SPAG17: variants seen among roughly 807,000 people sequenced by gnomAD.
SPAG17 encodes sperm-associated antigen 17.
SPAG17 carries 169 observed loss-of-function variants against 273.6 expected under a neutral mutation model. That is an observed-to-expected ratio of 0.62 (90% CI 0.55 to 0.70). The LOEUF is 0.70. SPAG17 is among the 30% of genes least tolerant of loss of function. The pLI is 0.00. For synonymous variants in SPAG17, 825 were observed against 873.2 expected, an observed-to-expected ratio of 0.94 and a Z score of 0.97; for missense variants, 2,557 against 2,627.8, an observed-to-expected ratio of 0.97 and a Z score of 0.59.
intron 19 of SPAG17, among the ~76,000 whole-genome samples, chr1:118,054,880 A>C (rs1651485740): frequency 6.6e-6 from 1 of 152,040 alleles, no homozygotes; most frequent in African/African-American, 2.4e-5. Context: ...TGCCATGTAC[A>C]AACTCCTTTG....
intron 10 of SPAG17, among the ~76,000 whole-genome samples, chr1:118,087,924 C>T (rs1655114039): frequency 6.6e-6 from 1 of 152,182 alleles, no homozygotes; most frequent in African/African-American, 2.4e-5. Context: ...AAGTAGCACC[C>T]TTCCAGTTGT....
At chr1:118,114,201 C>T (rs958053506) in intron 4 of SPAG17, among the ~76,000 whole-genome samples, 1 of 152,022 alleles carries the variant, frequency 6.6e-6, no homozygotes, top group African/African-American at 2.4e-5. Context: ...GGTACAACTC[C>T]CCCAACACGA....
intron 13 of SPAG17, among the ~76,000 whole-genome samples, chr1:118,083,505 G>C (rs1006989068): frequency 6.6e-6 from 1 of 152,000 alleles, no homozygotes; most frequent in Non-Finnish European, 1.5e-5. Context: ...CAGAGACAGC[G>C]GTGGGGCGCG....
At chr1:118,089,834 G>A (rs1234676176) in intron 10 of SPAG17, among the ~76,000 whole-genome samples, 1 of 152,126 alleles carries the variant, frequency 6.6e-6, no homozygotes, top group Non-Finnish European at 1.5e-5. Context: ...TAATCCCCAC[G>A]TGTCGAGGGA....
At chr1:118,079,888 A>G (rs1654398848) in intron 15 of SPAG17, among the ~76,000 whole-genome samples, 1 of 151,926 alleles carries the variant, frequency 6.6e-6, no homozygotes, top group Admixed American at 6.6e-5. Context: ...GTTGTTTAAT[A>G]TGTTAAATTT....
At position 118,099,596 on chromosome 1, in the gene SPAG17, G is replaced by C. The variant is rs377453347; in HGVS notation, c.829+10C>G. 1.2e-6 allele frequency: 2 copies of C among 1,613,050 alleles called. No homozygotes were observed. Among genetic ancestry groups the C allele is most frequent in the African/African-American group, 2.7e-5 (2 of 74,900 alleles). On this transcript the variant is annotated intron_variant, in intron 6 of 48. Coordinates refer to ENST00000336338, the MANE Select transcript of SPAG17 (RefSeq NM_206996.4). The stretch of plus-strand genomic sequence containing the variant: ...GAAGGACTCAGTAAGTTGTGTAGCA[G>C]ACTGCATACCTTCTGACTGAAGAAG...
chr1:118,137,773 G>A lies in SPAG17; in HGVS notation c.315+12770C>T, dbSNP rs148953422. On this transcript the variant is annotated intron_variant, in intron 3 of 48. Coordinates refer to ENST00000336338, the MANE Select transcript of SPAG17 (RefSeq NM_206996.4). ...TCATTCATTCAAATTAATATTGAGT[G>A]CCTATAATATGCACAGTACCTTTTC... Among the ~76,000 whole-genome samples the A allele has an allele frequency of 3.2e-3, 491 of 152,156 alleles. 8 individuals are homozygous for A. The highest frequency in any genetic ancestry group is 0.011 in the African/African-American group (471 of 41,514).
chr1:118,118,696 AC>A (rs1657243476), intron 3 of SPAG17, among the ~76,000 whole-genome samples: 1 of 152,202 alleles, frequency 6.6e-6, no homozygotes, highest in African/African-American at 2.4e-5. Flanking sequence ...ACCAAAGGTC[AC>A]TCAGTTCCAG....
intron 15 of SPAG17, among the ~76,000 whole-genome samples, chr1:118,079,474 T>C (rs371610694): frequency 6.6e-6 from 1 of 152,208 alleles, no homozygotes; most frequent in East Asian, 1.9e-4. Context: ...CATGGGTTTT[T>C]ATGATTAACC....
chr1:118,022,858 G>C (rs755867625), intron 28 of SPAG17, among the ~76,000 whole-genome samples: 7 of 152,154 alleles, frequency 4.6e-5, no homozygotes, highest in Non-Finnish European at 1.0e-4. Context: ...CTGATGAACA[G>C]AGACACTTGA....
chr1:118,175,289 C>T (rs945590529), intron 1 of SPAG17, among the ~76,000 whole-genome samples: 2 of 152,106 alleles, frequency 1.3e-5, no homozygotes, highest in Non-Finnish European at 2.9e-5. Flanking sequence ...TTCAGCCTCC[C>T]AAAGTGCTGG....
intron 3 of SPAG17, among the ~76,000 whole-genome samples, chr1:118,130,736 C>T (rs1245313315): frequency 6.6e-6 from 1 of 152,210 alleles, no homozygotes; most frequent in Non-Finnish European, 1.5e-5. Context: ...CCATGTCCAA[C>T]ATGGTTATTC....
At chr1:118,179,970 AG>A (rs1660867240) in intron 1 of SPAG17, among the ~76,000 whole-genome samples, 1 of 152,006 alleles carries the variant, frequency 6.6e-6, no homozygotes, top group Admixed American at 6.6e-5. Context: ...GTGGAGAAAG[AG>A]GAACTCTTGT....
intron 2 of SPAG17, 29 bp from the exon 3 acceptor site, chr1:118,150,658 GA>G (rs776356111): frequency 7.9e-7 from 1 of 1,261,420 alleles, no homozygotes; most frequent in Non-Finnish European, 1.1e-6. Context: ...TACTTATGAT[GA>G]AAAAAGCCTT....
Position 118,097,778 on chromosome 1 carries a change from T to C in SPAG17, c.903A>G (p.Pro301=). The C allele has an allele frequency of 6.2e-7, 1 of 1,609,114 alleles. No homozygotes were observed. Among genetic ancestry groups the C allele is most frequent in the Non-Finnish European group, 8.5e-7 (1 of 1,178,260 alleles). ...ELKTFWKYLE[P]VLNNEKPETN... ...TTTCAGGTTTCTCATTATTCAGGAC[T>C]GGTTCCAAGTACTTCCAGAAAGTTT... Residue 301 remains proline, a synonymous_variant, in exon 7 of 49, where the codon CCA becomes CCG. Transcript: ENST00000336338.
Position 118,151,364 on chromosome 1 carries a change from A to G in SPAG17, c.93T>C (p.Asp31=), listed in dbSNP as rs747144489. 81 of 1,611,918 alleles carry G rather than the reference A, an allele frequency of 5.0e-5. No individual in the cohort carries two copies. The highest frequency in any genetic ancestry group is 1.3e-4 in the East Asian group (6 of 44,846). Residue 31 remains aspartate, a synonymous_variant, in exon 2 of 49, where the codon GAT becomes GAC. Coordinates refer to ENST00000336338, the MANE Select transcript of SPAG17 (RefSeq NM_206996.4). The stretch of plus-strand genomic sequence containing the variant: ...CCACAAAAGCAATGGAGGCCTGCCA[A>G]TCGTTCTATTAAAAATCAGACGGAA... ...SLIAAQFNQN[D]WQASIAFVVG... is the part of the protein sequence containing the mutation.
At chr1:118,132,057 T>G (rs1658081529) in intron 3 of SPAG17, among the ~76,000 whole-genome samples, 1 of 152,200 alleles carries the variant, frequency 6.6e-6, no homozygotes. Flanking sequence ...ACAAGGCACA[T>G]GGAGCATTCA....
intron 15 of SPAG17, among the ~76,000 whole-genome samples, chr1:118,075,280 T>C (rs1005842325): frequency 3.9e-5 from 6 of 152,232 alleles, no homozygotes; most frequent in African/African-American, 1.4e-4. Flanking sequence ...ATATGAGTCA[T>C]GCACACTAGC....
chr1:118,055,692 C>T, intron 19 of SPAG17, 41 bp downstream of exon 19: 1 of 1,459,762 alleles, frequency 6.9e-7, no homozygotes, highest in African/African-American at 1.4e-5. Flanking sequence ...GAAGAACGTT[C>T]TTGAATTTTA....
Sources: gnomAD v4.1 joint callset for allele counts (sites outside exome capture counted in the v4.1 genomes callset) on GRCh38, gnomAD v4.1.1 for gene constraint, MANE v1.5 for transcripts, NCBI Gene and HGNC (gene_info 2026-07-23, HGNC 2026-07-21) for gene names.